Variants in GDAP2 observed in about 807,000 individuals in gnomAD.
GDAP2 encodes the protein ganglioside-induced differentiation-associated protein 2.
A neutral mutation model predicts 67.0 loss-of-function variants in GDAP2; 51 were observed. That is an observed-to-expected ratio of 0.76 (90% CI 0.61 to 0.96). The LOEUF is 0.96. Among genes scored for constraint, GDAP2 ranks in the 40% least tolerant of loss-of-function variants. The pLI, the probability that GDAP2 is intolerant of heterozygous loss-of-function variation, is 0.00. For synonymous variants in GDAP2, 203 were observed against 207.3 expected, an observed-to-expected ratio of 0.98 and a Z score of 0.18; for missense variants, 547 against 588.3, an observed-to-expected ratio of 0.93 and a Z score of 0.73.
chr1:117,914,249 GA>G (rs943675224), intron 3 of GDAP2, among the ~76,000 whole-genome samples: 4 of 151,572 alleles, frequency 2.6e-5, no homozygotes, highest in African/African-American at 9.7e-5. Flanking sequence ...CAACACAGGG[GA>G]AAAAAAACTT....
rs1570958249 is a variant in GDAP2 at position 117,866,784 on chromosome 1, A to G, written c.*3785T>C. The stretch of plus-strand genomic sequence containing the variant: ...CAGGAGAATCTCTTGAACCCAGGAG[A>G]CAGAGATTACAGTGAGCCGAGATCG... On this transcript the variant is annotated 3_prime_UTR_variant, in exon 14 of 14. Coordinates refer to ENST00000369443, the MANE Select transcript of GDAP2 (RefSeq NM_017686.4). 1 of 151,478 alleles carries G rather than the reference A, an allele frequency of 6.6e-6. No individual in the cohort carries two copies. The allele number at this position is 151,478 out of a possible 1,614,324, so 9.4% of individuals were successfully genotyped here.
At position 117,865,974 on chromosome 1, in the gene GDAP2, C is replaced by T. The variant is rs1648046915; in HGVS notation, c.*4595G>A. On this transcript the variant is annotated 3_prime_UTR_variant, in exon 14 of 14. Transcript: ENST00000369443. Reference sequence around the variant, plus strand: ...AGAATGTAAAACAAGGCAGATTATGCATATATGTGTGTGTGCATGCATGTA... The same window carrying T: ...AGAATGTAAAACAAGGCAGATTATGTATATATGTGTGTGTGCATGCATGTA... 1 of 152,180 alleles carries T rather than the reference C, an allele frequency of 6.6e-6. No homozygotes were observed. The highest frequency in any genetic ancestry group is 6.5e-5 in the Admixed American group (1 of 15,272). The allele number at this position is 152,180 out of a possible 1,614,324, so 9.4% of individuals were successfully genotyped here. A position where few individuals can be genotyped will look rare whatever the true frequency, so the allele number is the denominator to read the frequency against.
Position 117,870,416 on chromosome 1 carries a change from G to A in GDAP2, c.*153C>T, listed in dbSNP as rs1648215820. The A allele has an allele frequency of 3.2e-6, 2 of 633,698 alleles. No individual in the cohort carries two copies. Among genetic ancestry groups the A allele is most frequent in the Non-Finnish European group, 5.6e-6 (2 of 354,126 alleles). The allele number at this position is 633,698 out of a possible 1,614,324, so 39.3% of individuals were successfully genotyped here. A position where few individuals can be genotyped will look rare whatever the true frequency, so the allele number is the denominator to read the frequency against. On this transcript the variant is annotated 3_prime_UTR_variant, in exon 14 of 14. Coordinates refer to ENST00000369443, the MANE Select transcript of GDAP2 (RefSeq NM_017686.4). ...CCTACCATTTTTAGATTGCTTATGT[G>A]CCAGAAAATATACAGTCAATAAAAA...
At chr1:117,927,877 T>C (rs1374179289) in intron 1 of GDAP2, among the ~76,000 whole-genome samples, 2 of 152,234 alleles carry the variant, frequency 1.3e-5, no homozygotes, top group Admixed American at 6.5e-5. Context: ...AACTGCACTA[T>C]GTTTTAATTG....
intron 8 of GDAP2, among the ~76,000 whole-genome samples, chr1:117,893,416 A>G (rs1253938631): frequency 1.3e-5 from 2 of 152,166 alleles, no homozygotes; most frequent in Non-Finnish European, 2.9e-5. Context: ...TTTTGAAGAG[A>G]TACTGAGGTG....
Position 117,920,267 on chromosome 1 carries a change from C to T in GDAP2, c.91G>A (p.Asp31Asn), listed in dbSNP as rs757285829. 5.6e-6 allele frequency: 9 copies of T among 1,604,262 alleles called. No individual in the cohort carries two copies. The highest frequency in any genetic ancestry group is 1.6e-4 in the Middle Eastern group (1 of 6,074). Residue 31 changes from aspartate to asparagine, a missense_variant, in exon 2 of 14, where the codon GAT becomes AAT. By Grantham distance (23) the Asp-to-Asn change is conservative. Transcript: ENST00000369443. ...TCCTGAAATATTTCAGCTGTAGTAT[C>T]AGAGGAATTTAATTCATCTTGGCAT... The part of the protein sequence containing the change: ...DSCQDELNSS[D>N]TTAEIFQEDT...
chr1:117,924,206 T>C (rs1650363137), intron 1 of GDAP2, among the ~76,000 whole-genome samples: 2 of 152,228 alleles, frequency 1.3e-5, no homozygotes, highest in African/African-American at 4.8e-5. Context: ...CACAGGGGTC[T>C]GGTGTACAGA....
rs892273814 is a variant in GDAP2 at position 117,914,684 on chromosome 1, C to T, written c.317-2001G>A. Among the ~76,000 whole-genome samples, 6 of 152,002 alleles carry T rather than the reference C, an allele frequency of 3.9e-5. No individual in the cohort carries two copies. The South Asian group carries it at 6.2e-4, about 16-fold the overall frequency. ...AGATCAGAAGCTTTCCAGAAAGAAA[C>T]CAGTAACATACAAACAATCAGGGAT... On this transcript the variant is annotated intron_variant, in intron 3 of 13. Transcript: ENST00000369443.
At chr1:117,875,766 T>C (rs1648435094) in intron 13 of GDAP2, among the ~76,000 whole-genome samples, 1 of 152,214 alleles carries the variant, frequency 6.6e-6, no homozygotes, top group South Asian at 2.1e-4. Flanking sequence ...TCTGCCCTGA[T>C]AGGTTTTGGA....
intron 1 of GDAP2, among the ~76,000 whole-genome samples, chr1:117,922,763 T>C (rs1013213811): frequency 1.4e-4 from 22 of 152,352 alleles, no homozygotes; most frequent in African/African-American, 4.6e-4. Flanking sequence ...AGGGTGAAAC[T>C]AGAATCACTA....
chr1:117,884,425 G>A (rs1648776835), intron 10 of GDAP2, among the ~76,000 whole-genome samples: 1 of 152,184 alleles, frequency 6.6e-6, no homozygotes, highest in Non-Finnish European at 1.5e-5. Context: ...GGTAACAACT[G>A]AAGGATTACT....
At chr1:117,883,361 C>A (rs1648732866) in intron 11 of GDAP2, 127 bp downstream of exon 11, 2 of 662,718 alleles carry the variant, frequency 3.0e-6, no homozygotes, top group Middle Eastern at 7.5e-4. Flanking sequence ...AGTATCTAAT[C>A]TAGGTATGAT....
At chr1:117,889,251 C>T (rs1018552517) in intron 8 of GDAP2, among the ~76,000 whole-genome samples, 11 of 151,886 alleles carry the variant, frequency 7.2e-5, no homozygotes, top group Admixed American at 3.3e-4. Context: ...TATTGATATA[C>T]GGATACATTG....
At position 117,864,450 on chromosome 1, in the gene GDAP2, T is replaced by C. The variant is rs963987806; in HGVS notation, c.*6119A>G. On this transcript the variant is annotated 3_prime_UTR_variant, in exon 14 of 14. Coordinates refer to ENST00000369443, the MANE Select transcript of GDAP2 (RefSeq NM_017686.4). ...GTGAATTGGGTCATCACATAGTACATGGCAGTACATGCCTGTTGAACTGAA... is the reference window on the plus strand; with the variant it reads ...GTGAATTGGGTCATCACATAGTACACGGCAGTACATGCCTGTTGAACTGAA... The C allele has an allele frequency of 3.3e-5, 5 of 152,230 alleles. No individual in the cohort carries two copies. Among genetic ancestry groups the C allele is most frequent in the Non-Finnish European group, 5.9e-5 (4 of 68,042 alleles). 9.4% of individuals were successfully genotyped at this position (152,230 alleles called of 1,614,324 possible).
chr1:117,882,267 A>C (rs907092955), intron 11 of GDAP2, among the ~76,000 whole-genome samples: 9 of 152,142 alleles, frequency 5.9e-5, no homozygotes, highest in African/African-American at 1.9e-4. Context: ...CAATGGTCAT[A>C]TTACAACAAC....
chr1:117,907,668 T>A (rs1346415493), intron 5 of GDAP2, among the ~76,000 whole-genome samples: 4 of 152,188 alleles, frequency 2.6e-5, no homozygotes, highest in Non-Finnish European at 5.9e-5. Context: ...CTATTGCTAA[T>A]ATTTCTAACA....
In GDAP2 at chr1:117,866,097, TCTC is replaced by T. The variant is rs1428307485; in HGVS notation, c.*4469_*4471del. 6.6e-6 allele frequency: 1 copy of T among 152,170 alleles called. No homozygotes were observed. The highest frequency in any genetic ancestry group is 1.5e-5 in the Non-Finnish European group (1 of 68,020). 9.4% of individuals were successfully genotyped at this position (152,170 alleles called of 1,614,324 possible). A position where few individuals can be genotyped will look rare whatever the true frequency, so the allele number is the denominator to read the frequency against. ...TATGTTATGAACTGAATGCTTATGT[TCTC>T]CTCCTCGTCTGCAAATTCATATGTT... On this transcript the variant is annotated 3_prime_UTR_variant, in exon 14 of 14. Transcript: ENST00000369443.
intron 5 of GDAP2, among the ~76,000 whole-genome samples, chr1:117,908,728 C>A (rs76646753): frequency 0.011 from 1,738 of 151,964 alleles, 32 homozygotes; most frequent in African/African-American, 0.04. Context: ...GGGGGGCTAA[C>A]AAGGGAGGAT....
At chr1:117,913,946 GA>G (rs1649958271) in intron 3 of GDAP2, among the ~76,000 whole-genome samples, 1 of 152,134 alleles carries the variant, frequency 6.6e-6, no homozygotes, top group Admixed American at 6.5e-5. Flanking sequence ...AAAATACAAT[GA>G]AAACTCAGCA....
Sources: gnomAD v4.1 joint callset for allele counts (sites outside exome capture counted in the v4.1 genomes callset) on GRCh38, gnomAD v4.1.1 for gene constraint, MANE v1.5 for transcripts, NCBI Gene and HGNC (gene_info 2026-07-23, HGNC 2026-07-21) for gene names.